The following GRM7 variants were observed in gnomAD, a reference collection of about 807,000 sequenced individuals.
GRM7 encodes glutamate metabotropic receptor 7.
A neutral mutation model predicts 84.5 loss-of-function variants in GRM7; 35 were observed. That is an observed-to-expected ratio of 0.41 (90% confidence interval 0.32 to 0.55). GRM7 has a LOEUF of 0.55. Among genes scored for constraint, GRM7 ranks in the 20% least tolerant of loss-of-function variants. The pLI, the probability that GRM7 is intolerant of heterozygous loss-of-function variation, is 0.19. For missense variants in GRM7, 1,003 were observed against 1,194.6 expected (o/e 0.84, Z 2.36); for synonymous variants, 487 against 455.1 (o/e 1.07, Z -0.89).
At chr3:7,191,026 A>T (rs1695694032) in intron 2 of GRM7, among the ~76,000 whole-genome samples, 1 of 152,080 alleles carries the variant, frequency 6.6e-6, no homozygotes, top group African/African-American at 2.4e-5. Context: ...CTATATGCTA[A>T]TTTTTCAATA....
At chr3:7,346,857 G>A (rs73030041) in intron 4 of GRM7, among the ~76,000 whole-genome samples, 8 of 152,186 alleles carry the variant, frequency 5.3e-5, no homozygotes, top group Non-Finnish European at 1.0e-4. Context: ...CTGGCACCAA[G>A]AAATACCATA....
At chr3:7,320,738 C>A (rs1393614619) in intron 4 of GRM7, among the ~76,000 whole-genome samples, 2 of 142,558 alleles carry the variant, frequency 1.4e-5, no homozygotes, top group African/African-American at 2.6e-5. Flanking sequence ...TTTCACCCAA[C>A]ATAATGTTTT....
intron 2 of GRM7, among the ~76,000 whole-genome samples, chr3:7,292,814 C>T (rs541499739): frequency 6.6e-6 from 1 of 151,414 alleles, no homozygotes; most frequent in Non-Finnish European, 1.5e-5. Flanking sequence ...GGCAGATCAC[C>T]TGAGGTCAGG....
At chr3:7,069,128 A>G (rs1697772919) in intron 1 of GRM7, among the ~76,000 whole-genome samples, 1 of 151,890 alleles carries the variant, frequency 6.6e-6, no homozygotes, top group South Asian at 2.1e-4. Context: ...CAAAAAGGAT[A>G]ATTAAAGAAC....
Position 7,625,077 on chromosome 3 carries a change from G to A in GRM7, c.2451+45720G>A, listed in dbSNP as rs544472263. The stretch of plus-strand genomic sequence containing the variant: ...TGAACCCAAGACTTCTCACCTCCAG[G>A]AAAATGCAGAGGCAATATTCACACT... On this transcript the variant is annotated intron_variant, in intron 8 of 9. Transcript: ENST00000357716. Among the ~76,000 whole-genome samples the A allele has an allele frequency of 2.0e-5, 3 of 152,278 alleles. No homozygotes were observed. The South Asian group carries it at 6.2e-4, about 32-fold the overall frequency.
intron 1 of GRM7, among the ~76,000 whole-genome samples, chr3:7,125,029 A>G (rs1373650793): frequency 1.3e-5 from 2 of 152,050 alleles, no homozygotes; most frequent in Non-Finnish European, 2.9e-5. Flanking sequence ...AACCTCCGCC[A>G]CCTGGGTTCA....
intron 1 of GRM7, among the ~76,000 whole-genome samples, chr3:7,084,356 C>T (rs1288766648): frequency 6.6e-6 from 1 of 152,080 alleles, no homozygotes; most frequent in African/African-American, 2.4e-5. Flanking sequence ...GCCCAGGAAT[C>T]TGTGTTGCAA....
chr3:7,028,981 T>G (rs1299638120), intron 1 of GRM7, among the ~76,000 whole-genome samples: 2 of 152,200 alleles, frequency 1.3e-5, no homozygotes, highest in Admixed American at 6.5e-5. Context: ...AACAGTATGT[T>G]GGTTCCTATA....
chr3:7,286,680 G>A (rs1699442240), intron 2 of GRM7, among the ~76,000 whole-genome samples: 1 of 151,990 alleles, frequency 6.6e-6, no homozygotes, highest in Non-Finnish European at 1.5e-5. Flanking sequence ...TCAATCACTT[G>A]TGTCTCTTTC....
intron 8 of GRM7, among the ~76,000 whole-genome samples, chr3:7,671,899 C>T (rs1171431004): frequency 1.3e-5 from 2 of 152,066 alleles, no homozygotes; most frequent in East Asian, 3.9e-4. Context: ...TTATATCAGA[C>T]ATTCTAGTAA....
At chr3:7,701,600 C>T (rs142829306) in intron 9 of GRM7, among the ~76,000 whole-genome samples, 2 of 152,232 alleles carry the variant, frequency 1.3e-5, no homozygotes, top group South Asian at 4.1e-4. Flanking sequence ...CCATGCCCAG[C>T]TGCCTTTATT....
intron 8 of GRM7, among the ~76,000 whole-genome samples, chr3:7,632,271 A>G (rs1215073179): frequency 6.6e-6 from 1 of 152,198 alleles, no homozygotes; most frequent in African/African-American, 2.4e-5. Flanking sequence ...CCCCCGTGGT[A>G]TAGAGACTAT....
chr3:7,536,325 A>G (rs185395953), intron 7 of GRM7, among the ~76,000 whole-genome samples: 2 of 152,322 alleles, frequency 1.3e-5, no homozygotes, highest in Admixed American at 1.3e-4. Context: ...GTTCACCAGG[A>G]TCTACATGAA....
At chr3:7,067,094 C>T (rs1031407301) in intron 1 of GRM7, among the ~76,000 whole-genome samples, 5 of 151,840 alleles carry the variant, frequency 3.3e-5, no homozygotes, top group African/African-American at 4.8e-5. Flanking sequence ...AAAAGCATTC[C>T]CTCTGAGAAC....
At chr3:7,398,294 G>C (rs2125153321) in intron 4 of GRM7, among the ~76,000 whole-genome samples, 1 of 152,256 alleles carries the variant, frequency 6.6e-6, no homozygotes, top group Non-Finnish European at 1.5e-5. Flanking sequence ...CAGTTTATCA[G>C]TTCCATGAAA....
intron 7 of GRM7, among the ~76,000 whole-genome samples, chr3:7,572,061 C>T (rs1694690181): frequency 6.6e-6 from 1 of 152,156 alleles, no homozygotes; most frequent in African/African-American, 2.4e-5. Context: ...CACGTTCCTC[C>T]CATGACACAT....
chr3:7,319,685 C>T (rs1700704014), intron 4 of GRM7, among the ~76,000 whole-genome samples: 1 of 151,980 alleles, frequency 6.6e-6, no homozygotes, highest in African/African-American at 2.4e-5. Flanking sequence ...CATTAGTAAA[C>T]TTTACACAAA....
chr3:7,201,146 T>A (rs1403298052), intron 2 of GRM7, among the ~76,000 whole-genome samples: 2 of 151,948 alleles, frequency 1.3e-5, no homozygotes, highest in Non-Finnish European at 2.9e-5. Flanking sequence ...ATTTTTTGTA[T>A]TTTTAGTAGA....
At chr3:7,358,767 T>C (rs1188578619) in intron 4 of GRM7, among the ~76,000 whole-genome samples, 1 of 152,118 alleles carries the variant, frequency 6.6e-6, no homozygotes, top group Admixed American at 6.5e-5. Flanking sequence ...CCCCTTTTCA[T>C]AATTTATTTT....
Sources: allele counts gnomAD v4.1 joint callset (sites outside exome capture counted in the v4.1 genomes callset), GRCh38; gene constraint gnomAD v4.1.1; transcripts MANE v1.5; gene names NCBI Gene and HGNC (gene_info 2026-07-23, HGNC 2026-07-21).